The following PP2D1 variants were observed in gnomAD, a reference collection of about 807,000 sequenced individuals.
The protein encoded by PP2D1 is protein phosphatase 2C like domain containing 1.
A neutral mutation model predicts 30.2 loss-of-function variants in PP2D1; 25 were observed. That is an observed-to-expected ratio of 0.83 (90% CI 0.60 to 1.16). The LOEUF is 1.16. PP2D1 is among the 50% of genes most tolerant of loss of function. PP2D1 has a pLI of 0.00. For synonymous variants in PP2D1, 260 were observed against 258.9 expected (o/e 1.00, Z -0.04); for missense variants, 760 against 742.4 (o/e 1.02, Z -0.28).
rs180964348 is a variant in PP2D1, at chr3:20,001,920, G to C, written c.200C>G (p.Ser67Cys). 5 of 1,536,400 alleles carry C rather than the reference G, an allele frequency of 3.3e-6. No homozygotes were observed. In the Admixed American group the frequency reaches 9.8e-5, roughly 30 times the overall value. Residue 67 changes from serine to cysteine, a missense_variant, in exon 2 of 3, where the codon TCC becomes TGC. By Grantham distance (112) the Ser-to-Cys change is moderately radical. Around this residue, in one of 3 missense-constraint regions of PP2D1, gnomAD observed 374 missense variants for 388.8 expected, o/e 0.96. Transcript: ENST00000389050. ...TAGGTCAATTTCGTGCTTGCATATG[G>C]AACAGGGTAATGTGGTCCCTTGCTC... is the stretch of plus-strand genomic sequence containing the variant. ...VYEQGTTLPC[S>C]ICKHEIDLTG...
chr3:19,991,763 ATTT>A (rs767146914), intron 2 of PP2D1, among the ~76,000 whole-genome samples: 1 of 152,178 alleles, frequency 6.6e-6, no homozygotes, highest in African/African-American at 2.4e-5. Flanking sequence ...TGGAACACTT[ATTT>A]AGTGTTCCAA....
downstream of PP2D1, chr3:19,984,479 C>G (rs915298886): frequency 1.3e-5 from 3 of 225,214 alleles, no homozygotes; most frequent in Admixed American, 1.2e-4. Context: ...ATTTTGAGAA[C>G]TAATAAATGC....
downstream of PP2D1, among the ~76,000 whole-genome samples, chr3:19,981,654 A>G (rs1696930351): frequency 1.3e-5 from 2 of 151,864 alleles, no homozygotes; most frequent in South Asian, 4.2e-4. Flanking sequence ...ACAACTTAGG[A>G]TGGATATATC....
chr3:19,999,097 T>TTC (rs1267053767), intron 2 of PP2D1, among the ~76,000 whole-genome samples: 2 of 151,542 alleles, frequency 1.3e-5, no homozygotes, highest in Admixed American at 6.6e-5. Flanking sequence ...TTTTTTTTTT[T>TTC]TGAGACAGAG....
At chr3:19,988,257 A>G (rs1353059412) in intron 2 of PP2D1, among the ~76,000 whole-genome samples, 1 of 152,230 alleles carries the variant, frequency 6.6e-6, no homozygotes, top group East Asian at 1.9e-4. Flanking sequence ...ATACCGCTCA[A>G]TTCTTTTTCT....
At chr3:19,987,552 T>C (rs1235828127) in intron 2 of PP2D1, among the ~76,000 whole-genome samples, 1 of 152,148 alleles carries the variant, frequency 6.6e-6, no homozygotes, top group Non-Finnish European at 1.5e-5. Context: ...CTGGGATCAT[T>C]TAGTTGCTTG....
At chr3:19,980,057 CT>C (rs1394798491) in exon 4 of PP2D1, 2 of 152,184 alleles carry the variant, frequency 1.3e-5, no homozygotes, top group Non-Finnish European at 2.9e-5. Flanking sequence ...CTCATGTAAA[CT>C]GTTTTCCTGA....
chr3:20,005,363 G>A (rs1451798123), intron 1 of PP2D1, among the ~76,000 whole-genome samples: 1 of 151,820 alleles, frequency 6.6e-6, no homozygotes, highest in Admixed American at 6.6e-5. Context: ...TGTTGGTTAG[G>A]CTCGTCTTGA....
intron 2 of PP2D1, among the ~76,000 whole-genome samples, chr3:19,997,679 C>T (rs140011549): frequency 4.5e-4 from 69 of 152,140 alleles, no homozygotes; most frequent in African/African-American, 1.7e-3. Context: ...TACTATGAAG[C>T]CATGAAAAAG....
At position 19,985,751 on chromosome 3, in the gene PP2D1, G is replaced by C; in HGVS notation, c.1522C>G (p.Gln508Glu). The C allele has an allele frequency of 1.3e-6, 2 of 1,536,008 alleles. No homozygotes were observed. The highest frequency in any genetic ancestry group is 1.7e-6 in the Non-Finnish European group (2 of 1,146,816). The change falls in exon 3 of 3, where the codon CAG becomes GAG. Residue 508 changes from glutamine to glutamate, a missense_variant. Gln to Glu is a conservative substitution (Grantham distance 29, BLOSUM62 2). This residue lies in a region of PP2D1 where 369 missense variants were observed against 316.2 expected (regional missense o/e 1.17). Coordinates refer to ENST00000389050, the MANE Select transcript of PP2D1 (RefSeq NM_001252657.2). Reference protein sequence around the residue: ...STSEPNLTKSQSNIHVLFQYK... With the variant: ...STSEPNLTKSESNIHVLFQYK... ...TGAAACAATACGTGGATATTACTCT[G>C]TGATTTAGTAAGGTTTGGTTCACTG...
chr3:20,005,775 A>G (rs764703001), intron 1 of PP2D1, among the ~76,000 whole-genome samples: 3 of 152,200 alleles, frequency 2.0e-5, no homozygotes, highest in Non-Finnish European at 2.9e-5. Context: ...CTTAAGTTCA[A>G]TGCAGAAGGA....
intron 2 of PP2D1, among the ~76,000 whole-genome samples, chr3:20,000,712 T>C (rs965571412): frequency 8.5e-5 from 13 of 152,248 alleles, no homozygotes; most frequent in Admixed American, 2.0e-4. Context: ...GTTTTTAATT[T>C]TGTTCAGATT....
chr3:19,990,614 A>G (rs1173569678), intron 2 of PP2D1, among the ~76,000 whole-genome samples: 3 of 152,352 alleles, frequency 2.0e-5, no homozygotes, highest in Non-Finnish European at 1.5e-5. Context: ...TGCAGAGTCA[A>G]TAGTTTCATT....
At chr3:19,982,396 A>G (rs116565000), downstream of PP2D1, among the ~76,000 whole-genome samples, 25 of 152,324 alleles carry the variant, frequency 1.6e-4, no homozygotes, top group African/African-American at 4.8e-4. Context: ...CCAGTATGCT[A>G]AGTTTTGACA....
chr3:19,981,103 G>T (rs34343204), downstream of PP2D1, among the ~76,000 whole-genome samples: 24 of 152,144 alleles, frequency 1.6e-4, no homozygotes, highest in Non-Finnish European at 3.1e-4. Flanking sequence ...CTTAAAATCA[G>T]TACTCTTAGT....
chr3:19,988,298 C>T (rs909543507), intron 2 of PP2D1, among the ~76,000 whole-genome samples: 2 of 152,114 alleles, frequency 1.3e-5, no homozygotes, highest in Non-Finnish European at 2.9e-5. Flanking sequence ...AAAGAGAATG[C>T]ATTCCTAGGG....
Position 19,989,736 on chromosome 3 carries a change from C to T in PP2D1, c.1091-3554G>A, listed in dbSNP as rs1697091826. 2.0e-5 allele frequency among the ~76,000 whole-genome samples: 3 copies of T among 152,118 alleles called. No individual in the cohort carries two copies. The South Asian group carries it at 6.2e-4, about 32-fold the overall frequency. On this transcript the variant is annotated intron_variant, in intron 2 of 2. Transcript: ENST00000389050. ...AGAAAAATTTTTACGTGTGTGCATACATACGAATTGTACGGCCATAGCTCT... is the reference window on the plus strand; with the variant it reads ...AGAAAAATTTTTACGTGTGTGCATATATACGAATTGTACGGCCATAGCTCT...
At chr3:19,980,423 A>G (rs1486475593), downstream of PP2D1, among the ~76,000 whole-genome samples, 1 of 149,452 alleles carries the variant, frequency 6.7e-6, no homozygotes, top group Non-Finnish European at 1.5e-5. Flanking sequence ...TGGCCTTTCC[A>G]TTTCCTTCAC....
intron 2 of PP2D1, among the ~76,000 whole-genome samples, chr3:19,988,053 G>A (rs1404291313): frequency 6.6e-6 from 1 of 152,160 alleles, no homozygotes; most frequent in Non-Finnish European, 1.5e-5. Context: ...TCAGGACCCT[G>A]TGATGATTGC....
Sources: allele counts gnomAD v4.1 joint callset (sites outside exome capture counted in the v4.1 genomes callset), GRCh38; gene constraint gnomAD v4.1.1; regional missense constraint gnomAD v4.1.1; transcripts MANE v1.5; gene names NCBI Gene and HGNC (gene_info 2026-07-23, HGNC 2026-07-21).